MACROD1: variants seen among roughly 807,000 people sequenced by gnomAD.
The protein encoded by MACROD1 is mono-ADP ribosylhydrolase 1.
MACROD1 carries 31 observed loss-of-function variants against 41.4 expected under a neutral mutation model. That is an observed-to-expected ratio of 0.75 (90% confidence interval 0.56 to 1.01). The LOEUF is 1.01. Among genes scored for constraint, MACROD1 ranks in the 50% least tolerant of loss-of-function variants. The probability of loss-of-function intolerance (pLI) is 0.00; values close to 1 mark genes in which losing one functional copy is unlikely to be tolerated. For missense variants in MACROD1, 473 were observed against 460.0 expected (o/e 1.03, Z -0.26); for synonymous variants, 252 against 203.4 (o/e 1.24, Z -2.03).
At chr11:64,094,703 G>A (rs1021268495) in intron 3 of MACROD1, among the ~76,000 whole-genome samples, 1 of 152,204 alleles carries the variant, frequency 6.6e-6, no homozygotes, top group Non-Finnish European at 1.5e-5. Context: ...GTGGTTCAGG[G>A]AGGCTGACCA....
intron 4 of MACROD1, among the ~76,000 whole-genome samples, chr11:64,010,229 G>A (rs1942983654): frequency 6.7e-6 from 1 of 150,164 alleles, no homozygotes; most frequent in Non-Finnish European, 1.5e-5. Flanking sequence ...TGCCCAGAGT[G>A]TTAGCTGGGG....
At chr11:64,056,022 T>A (rs1000573229) in intron 3 of MACROD1, among the ~76,000 whole-genome samples, 3 of 152,184 alleles carry the variant, frequency 2.0e-5, no homozygotes, top group African/African-American at 7.2e-5. Context: ...GTCCACAGAA[T>A]GGGAGCACAG....
intron 3 of MACROD1, among the ~76,000 whole-genome samples, chr11:64,119,594 A>C (rs1945061350): frequency 6.6e-6 from 1 of 152,066 alleles, no homozygotes; most frequent in African/African-American, 2.4e-5. Context: ...AAAGACACAA[A>C]AATTCTCGAA....
intron 3 of MACROD1, among the ~76,000 whole-genome samples, chr11:64,089,519 C>T (rs1171334999): frequency 6.6e-6 from 1 of 152,228 alleles, no homozygotes; most frequent in Non-Finnish European, 1.5e-5. Context: ...ATTCTCCAGC[C>T]TCCTCCTGTT....
chr11:63,999,755 G>A lies in MACROD1; in HGVS notation c.673C>T (p.His225Tyr), dbSNP rs202221368. Residue 225 changes from histidine (H) to tyrosine (Y), a missense_variant, in exon 6 of 11, where the codon CAC (histidine) becomes TAC (tyrosine). By Grantham distance (83) the His-to-Tyr change is moderately conservative. Transcript: ENST00000255681. ...GYRLPAKYVI[H>Y]TVGPIAYGEP... ...CCGTAGGCGATGGGCCCCACTGTGT[G>A]GATGACGTCTACGGGGGGCGACGGG... is the stretch of plus-strand genomic sequence containing the variant. 400 of 1,606,520 alleles carry A rather than the reference G, an allele frequency of 2.5e-4. No individual in the cohort carries two copies. Among genetic ancestry groups the A allele is most frequent in the Non-Finnish European group, 3.2e-4 (382 of 1,179,420 alleles).
At chr11:64,114,402 T>C (rs1307420984) in intron 3 of MACROD1, among the ~76,000 whole-genome samples, 3 of 147,076 alleles carry the variant, frequency 2.0e-5, no homozygotes, top group Non-Finnish European at 4.5e-5. Flanking sequence ...AATGGACAGG[T>C]GGATGCATGG....
rs144664182 is a variant in MACROD1 at position 64,117,074 on chromosome 11, C to A, written c.517+34165G>T. The stretch of plus-strand genomic sequence containing the variant: ...CCGCGCCACCCCTCAACCTGCCCAG[C>A]GCCCACCTGCAGAAGCTCTACCTGC... On this transcript the variant is annotated intron_variant, in intron 3 of 10. Coordinates refer to ENST00000255681, the MANE Select transcript of MACROD1 (RefSeq NM_014067.4). 5.0e-6 allele frequency: 8 copies of A among 1,601,774 alleles called. No homozygotes were observed. The African/African-American group carries it at 6.7e-5, about 13-fold the overall frequency.
At position 64,151,219 on chromosome 11, in the gene MACROD1, G is replaced by A. The variant is rs1945571176; in HGVS notation, c.517+20C>T. On this transcript the variant is annotated intron_variant, in intron 3 of 10. Coordinates refer to ENST00000255681, the MANE Select transcript of MACROD1 (RefSeq NM_014067.4). ...GCAACAGGGCGGCCACCAGGTCTCT[G>A]GTTCAGGCCAGCCACTCACCGGCGT... 3 of 1,602,562 alleles carry A rather than the reference G, an allele frequency of 1.9e-6. No homozygotes were observed. The highest frequency in any genetic ancestry group is 2.6e-6 in the Non-Finnish European group (3 of 1,172,226).
At chr11:64,160,285 G>C (rs567731897) in intron 1 of MACROD1, among the ~76,000 whole-genome samples, 65 of 152,142 alleles carry the variant, frequency 4.3e-4, no homozygotes, top group Non-Finnish European at 7.9e-4. Context: ...TTTCCCATAG[G>C]GAGAGGAGGC....
intron 3 of MACROD1, among the ~76,000 whole-genome samples, chr11:64,141,015 G>C (rs1945405193): frequency 6.6e-6 from 1 of 152,110 alleles, no homozygotes; most frequent in Non-Finnish European, 1.5e-5. Flanking sequence ...TGAGCCTGTG[G>C]TCCCAGCAAC....
intron 3 of MACROD1, among the ~76,000 whole-genome samples, chr11:64,091,643 T>C (rs1944493190): frequency 6.6e-6 from 1 of 152,100 alleles, no homozygotes. Flanking sequence ...ATCCGACAGA[T>C]AAGGAGACTG....
chr11:64,074,525 G>A (rs1944167190), intron 3 of MACROD1, among the ~76,000 whole-genome samples: 1 of 152,216 alleles, frequency 6.6e-6, no homozygotes, highest in Admixed American at 6.5e-5. Context: ...CTGGCCTAAG[G>A]TCACGCAGCA....
intron 3 of MACROD1, among the ~76,000 whole-genome samples, chr11:64,078,181 C>T (rs1447687806): frequency 1.3e-5 from 2 of 152,218 alleles, no homozygotes; most frequent in South Asian, 4.1e-4. Context: ...CTGTGCCCGC[C>T]CCAGAGATGC....
intron 1 of MACROD1, among the ~76,000 whole-genome samples, chr11:64,160,911 C>A (rs1258655479): frequency 6.6e-6 from 1 of 151,832 alleles, no homozygotes; most frequent in African/African-American, 2.4e-5. Context: ...GTGGCTCACA[C>A]TTGTAATCCC....
rs1296888609 is a variant in MACROD1, at chr11:64,122,986, T to A, written c.517+28253A>T. ...AGCCAGCCCACTTCAGAAACCTGCT[T>A]CCTGCTGAACGTGCCAGAGAGGAGG... On this transcript the variant is annotated intron_variant, in intron 3 of 10. Coordinates refer to ENST00000255681, the MANE Select transcript of MACROD1 (RefSeq NM_014067.4). The surrounding 1 kb of genome is among the most constrained non-coding windows in gnomAD (Gnocchi z 4.0). Among the ~76,000 whole-genome samples, 1 of 152,222 alleles carries A rather than the reference T, an allele frequency of 6.6e-6. No homozygotes were observed. Among genetic ancestry groups the A allele is most frequent in the East Asian group, 1.9e-4 (1 of 5,200 alleles).
chr11:64,051,006 C>T (rs1943683138), intron 3 of MACROD1, among the ~76,000 whole-genome samples: 1 of 152,228 alleles, frequency 6.6e-6, no homozygotes, highest in Non-Finnish European at 1.5e-5. Flanking sequence ...ATCCTCTGGA[C>T]CAGCCTTGCC....
At chr11:64,005,139 C>G (rs996290040) in intron 4 of MACROD1, among the ~76,000 whole-genome samples, 1 of 152,158 alleles carries the variant, frequency 6.6e-6, no homozygotes, top group East Asian at 1.9e-4. Context: ...AAGCAATTCT[C>G]CTGCCTCAGC....
intron 3 of MACROD1, among the ~76,000 whole-genome samples, chr11:64,086,127 T>C (rs1243869214): frequency 6.6e-6 from 1 of 151,800 alleles, no homozygotes; most frequent in Non-Finnish European, 1.5e-5. Context: ...ACTGGTGGGG[T>C]GGGTGGCTGC....
At chr11:64,105,937 C>T (rs112599876) in intron 3 of MACROD1, among the ~76,000 whole-genome samples, 1,433 of 123,168 alleles carry the variant, frequency 0.012, 15 homozygotes, top group African/African-American at 0.042. Context: ...ATTCCAGGGT[C>T]CTGAGTGGTG....
Sources: allele counts gnomAD v4.1 joint callset (sites outside exome capture counted in the v4.1 genomes callset), GRCh38; gene constraint gnomAD v4.1.1; non-coding constraint Gnocchi (gnomAD v3.1); transcripts MANE v1.5; gene names NCBI Gene and HGNC (gene_info 2026-07-23, HGNC 2026-07-21).